Variants in SLC14A2 observed in about 807,000 individuals in gnomAD.
SLC14A2 encodes solute carrier family 14 member 2.
SLC14A2 carries 91 observed loss-of-function variants against 104.6 expected under a neutral mutation model. The ratio of observed to expected loss-of-function variants is 0.87; its 90% CI spans 0.73 to 1.04. The LOEUF (loss-of-function observed/expected upper bound fraction) is 1.04, where lower values mean the gene tolerates loss of function less well. Ranked by LOEUF, SLC14A2 falls within the 50% of genes least tolerant of loss-of-function variation. SLC14A2 has a pLI of 0.00. For synonymous variants in SLC14A2, 476 were observed against 466.4 expected, an observed-to-expected ratio of 1.02 and a Z score of -0.27; for missense variants, 1,189 against 1,156.0, an observed-to-expected ratio of 1.03 and a Z score of -0.41.
chr18:45,226,330 A>G (rs1402824043), intron 1 of SLC14A2, among the ~76,000 whole-genome samples: 1 of 152,184 alleles, frequency 6.6e-6, no homozygotes, highest in African/African-American at 2.4e-5. Context: ...TATATACCCA[A>G]AGGATTATAA....
chr18:45,477,168 T>C (rs992950906), intron 1 of SLC14A2, among the ~76,000 whole-genome samples: 3 of 152,334 alleles, frequency 2.0e-5, no homozygotes, highest in South Asian at 4.1e-4. Context: ...GGTTTTTGTG[T>C]GGACATCATT....
chr18:45,293,141 T>C (rs1333534648), intron 1 of SLC14A2, among the ~76,000 whole-genome samples: 3 of 152,158 alleles, frequency 2.0e-5, no homozygotes, highest in African/African-American at 7.2e-5. Flanking sequence ...AAGGCAGTAA[T>C]TACATTATTA....
intron 1 of SLC14A2, among the ~76,000 whole-genome samples, chr18:45,303,818 G>A (rs2084990955): frequency 6.6e-6 from 1 of 152,148 alleles, no homozygotes; most frequent in Non-Finnish European, 1.5e-5. Flanking sequence ...CAAGGTTCCA[G>A]CTAAAAGATC....
intron 2 of SLC14A2, among the ~76,000 whole-genome samples, chr18:45,578,450 G>T (rs1339344368): frequency 6.6e-6 from 1 of 152,202 alleles, no homozygotes; most frequent in East Asian, 1.9e-4. Flanking sequence ...TTTGGGAGTG[G>T]TTGACTGGTG....
chr18:45,667,137 T>C (rs1351505719), intron 13 of SLC14A2, 43 bp downstream of exon 13: 2 of 1,549,336 alleles, frequency 1.3e-6, no homozygotes, highest in Non-Finnish European at 1.8e-6. Context: ...CCCTAAAAAC[T>C]CACCTCCACC....
chr18:45,521,086 A>C (rs1393333293), intron 2 of SLC14A2, among the ~76,000 whole-genome samples: 1 of 152,040 alleles, frequency 6.6e-6, no homozygotes, highest in Admixed American at 6.6e-5. Context: ...CATGACCTGC[A>C]CCTCCCATCA....
chr18:45,596,923 C>T (rs1428422138), intron 2 of SLC14A2, among the ~76,000 whole-genome samples: 1 of 152,192 alleles, frequency 6.6e-6, no homozygotes, highest in African/African-American at 2.4e-5. Flanking sequence ...CCTCCTCTAC[C>T]ATTGGACCCT....
intron 1 of SLC14A2, among the ~76,000 whole-genome samples, chr18:45,241,727 T>C (rs1278859499): frequency 6.9e-6 from 1 of 144,646 alleles, no homozygotes; most frequent in African/African-American, 2.5e-5. Context: ...CACAGCAACC[T>C]ATTTCTCTTG....
rs539292222 is a variant in SLC14A2, at chr18:45,670,960, G to A, written c.2229+1462G>A. 2.6e-5 allele frequency among the ~76,000 whole-genome samples: 4 copies of A among 152,310 alleles called. No homozygotes were observed. In the South Asian group the frequency reaches 8.3e-4, roughly 32 times the overall value. On this transcript the variant is annotated intron_variant, in intron 16 of 19. Transcript: ENST00000255226. ...TTACAGGCGTGGACCATTACACCTG[G>A]CTGAGAACTATTTGTGTTAGTCGGA... is the stretch of plus-strand genomic sequence containing the variant.
chr18:45,281,081 A>C (rs1307618797), intron 1 of SLC14A2, among the ~76,000 whole-genome samples: 1 of 152,148 alleles, frequency 6.6e-6, no homozygotes, highest in African/African-American at 2.4e-5. Flanking sequence ...GTGTCTGTCA[A>C]AATACTGACA....
Position 45,682,532 on chromosome 18 carries a change from A to G in SLC14A2, c.*13A>G. The G allele has an allele frequency of 6.2e-7, 1 of 1,607,650 alleles. No homozygotes were observed. Among genetic ancestry groups the G allele is most frequent in the South Asian group, 1.1e-5 (1 of 90,934 alleles). On this transcript the variant is annotated 3_prime_UTR_variant, in exon 20 of 20. Transcript: ENST00000255226. ...CGATGTCTCCTAAGTTTCCCTGTCT[A>G]AAACACATCAGTGTAAATTCAGGCT...
At chr18:45,245,469 C>A (rs777246512) in intron 1 of SLC14A2, among the ~76,000 whole-genome samples, 71 of 152,160 alleles carry the variant, frequency 4.7e-4, no homozygotes, top group Non-Finnish European at 8.5e-4. Context: ...TTGAATTTAA[C>A]AGAGCTCTAT....
chr18:45,279,210 C>A (rs2084736087), intron 1 of SLC14A2, among the ~76,000 whole-genome samples: 1 of 152,180 alleles, frequency 6.6e-6, no homozygotes, highest in African/African-American at 2.4e-5. Flanking sequence ...ACAGCAGTAA[C>A]AGGTTGTCTG....
chr18:45,199,761 G>T, the SLC14A2 span, among the ~76,000 whole-genome samples: 3 of 152,148 alleles, frequency 2.0e-5, no homozygotes, highest in Admixed American at 6.6e-5. Flanking sequence ...TAGCAGCTAA[G>T]CTGAAGTCTT....
intron 2 of SLC14A2, among the ~76,000 whole-genome samples, chr18:45,533,534 C>T (rs1383919620): frequency 2.0e-5 from 3 of 152,098 alleles, no homozygotes; most frequent in South Asian, 2.1e-4. Context: ...TCTGTGGGAT[C>T]GGTGGTGATA....
At chr18:45,261,990 T>A (rs1172481564) in intron 1 of SLC14A2, among the ~76,000 whole-genome samples, 1 of 152,190 alleles carries the variant, frequency 6.6e-6, no homozygotes, top group African/African-American at 2.4e-5. Flanking sequence ...CCCACTGACT[T>A]CCACAATGGT....
intron 18 of SLC14A2, among the ~76,000 whole-genome samples, chr18:45,678,394 A>G (rs902120431): frequency 2.6e-5 from 4 of 152,206 alleles, no homozygotes; most frequent in Non-Finnish European, 5.9e-5. Flanking sequence ...GGATGCTCTC[A>G]GCGAGAAATG....
chr18:45,653,187 G>A (rs1170873797), intron 10 of SLC14A2, among the ~76,000 whole-genome samples: 1 of 148,888 alleles, frequency 6.7e-6, no homozygotes, highest in Non-Finnish European at 1.5e-5. Context: ...ACAAGGACAG[G>A]CCTCCATGCA....
chr18:45,651,211 C>T (rs573247948), intron 10 of SLC14A2, among the ~76,000 whole-genome samples: 1 of 152,214 alleles, frequency 6.6e-6, no homozygotes, highest in South Asian at 2.1e-4. Flanking sequence ...TTTCTGAGAA[C>T]AGTTCTGATG....
Sources: allele counts gnomAD v4.1 joint callset (sites outside exome capture counted in the v4.1 genomes callset), GRCh38; gene constraint gnomAD v4.1.1; transcripts MANE v1.5; gene names NCBI Gene and HGNC (gene_info 2026-07-23, HGNC 2026-07-21).